Variants in ASIC1 observed in about 807,000 individuals in gnomAD.
ASIC1 encodes acid sensing ion channel subunit 1, also known as acid-sensing ion channel 1.
ASIC1 carries 21 observed loss-of-function variants against 63.4 expected under a neutral mutation model. That is an observed-to-expected ratio of 0.33 (90% CI 0.23 to 0.48). ASIC1 has a LOEUF of 0.48. ASIC1 is among the 20% of genes least tolerant of loss of function. The pLI, the probability that ASIC1 is intolerant of heterozygous loss-of-function variation, is 0.99. For missense variants in ASIC1, 478 were observed against 695.5 expected (o/e 0.69, Z 3.52); for synonymous variants, 258 against 278.2 (o/e 0.93, Z 0.72).
intron 3 of ASIC1, among the ~76,000 whole-genome samples, chr12:50,076,070 G>A (rs966032837): frequency 2.6e-5 from 4 of 152,222 alleles, no homozygotes; most frequent in African/African-American, 9.7e-5. Flanking sequence ...GCTTGGTTGA[G>A]TGTGGTCCTT....
chr12:50,073,672 C>A, intron 3 of ASIC1: 1 of 1,536,420 alleles, frequency 6.5e-7, no homozygotes, highest in Non-Finnish European at 8.7e-7. Context: ...TCCCCACCAC[C>A]ATCAGCAGCA....
At chr12:50,079,031 G>A (rs1950687720) in intron 7 of ASIC1, 51 bp downstream of exon 7, 3 of 1,570,128 alleles carry the variant, frequency 1.9e-6, no homozygotes, top group Non-Finnish European at 2.6e-6. Flanking sequence ...GGTGCTGCCA[G>A]CCACGTGCGC....
Position 50,078,667 on chromosome 12 carries a change from C to T in ASIC1, c.994+90C>T. ...CCCATCCATATCAATCTCCCAACCCCAGTTCCAGCCCACCCCATCCCACAC... is the reference window on the plus strand; with the variant it reads ...CCCATCCATATCAATCTCCCAACCCTAGTTCCAGCCCACCCCATCCCACAC... On this transcript the variant is annotated intron_variant, in intron 6 of 11. Transcript: ENST00000447966. The surrounding 1 kb of genome is among the most constrained non-coding windows in gnomAD (Gnocchi z 6.0). 8.3e-6 allele frequency: 13 copies of T among 1,560,862 alleles called. No homozygotes were observed. The highest frequency in any genetic ancestry group is 1.1e-5 in the Non-Finnish European group (13 of 1,146,056).
At chr12:50,067,413 T>G (rs560594484) in intron 3 of ASIC1, among the ~76,000 whole-genome samples, 33 of 149,228 alleles carry the variant, frequency 2.2e-4, no homozygotes, top group Non-Finnish European at 3.6e-4. Context: ...TGCTGTTGTT[T>G]TTTTTTTTTT....
intron 3 of ASIC1, among the ~76,000 whole-genome samples, chr12:50,062,194 G>A (rs1592265775): frequency 6.6e-6 from 1 of 152,188 alleles, no homozygotes; most frequent in African/African-American, 2.4e-5. Context: ...CCTCCCCGGT[G>A]GAGAAGGGCC....
At chr12:50,065,362 G>A (rs191566147) in intron 3 of ASIC1, among the ~76,000 whole-genome samples, 1 of 152,232 alleles carries the variant, frequency 6.6e-6, no homozygotes, top group East Asian at 1.9e-4. Context: ...GGGCATTAGG[G>A]CTCCTGGTCT....
At chr12:50,061,832 C>T (rs2137809975) in intron 3 of ASIC1, among the ~76,000 whole-genome samples, 1 of 152,288 alleles carries the variant, frequency 6.6e-6, no homozygotes, top group East Asian at 1.9e-4. Context: ...GTGATTGGTC[C>T]ATGCTGTCTG....
At position 50,082,289 on chromosome 12, in the gene ASIC1, C is replaced by G. The variant is rs1350649505; in HGVS notation, c.*640C>G. ...CGGCCCTGGTGCTGTAGGCTACATCCTGATACCTATAAGTTCACCCCCACC... is the reference window on the plus strand; with the variant it reads ...CGGCCCTGGTGCTGTAGGCTACATCGTGATACCTATAAGTTCACCCCCACC... On this transcript the variant is annotated 3_prime_UTR_variant, in exon 12 of 12. Transcript: ENST00000447966. The G allele has an allele frequency of 6.5e-6, 1 of 152,970 alleles. No individual in the cohort carries two copies. Among genetic ancestry groups the G allele is most frequent in the African/African-American group, 2.4e-5 (1 of 41,420 alleles). The allele number at this position is 152,970 out of a possible 1,614,324, so 9.5% of individuals were successfully genotyped here.
chr12:50,068,467 C>CT (rs1049886360), intron 3 of ASIC1, among the ~76,000 whole-genome samples: 1 of 151,752 alleles, frequency 6.6e-6, no homozygotes, highest in Non-Finnish European at 1.5e-5. Flanking sequence ...TTTTTTCTAT[C>CT]TTTTTTTTAA....
chr12:50,080,037 A>G lies in ASIC1; in HGVS notation c.1187A>G (p.Lys396Arg). The G allele has an allele frequency of 6.2e-7, 1 of 1,613,108 alleles. No homozygotes were observed. The highest frequency in any genetic ancestry group is 8.5e-7 in the Non-Finnish European group (1 of 1,179,430). ...AAGTACCTGGCCAAGAAGTTCAACA[A>G]ATCTGAGCAATACATAGGGTAAGGG... is the stretch of plus-strand genomic sequence containing the variant. The part of the protein sequence containing the change: ...SAKYLAKKFN[K>R]SEQYIGENIL... The change falls in exon 8 of 12, where the codon AAA becomes AGA. Residue 396 changes from lysine (K) to arginine (R), a missense_variant. This residue lies in a region of ASIC1 where 84 missense variants were observed against 183.5 expected (regional missense o/e 0.46). Transcript: ENST00000447966.
intron 3 of ASIC1, among the ~76,000 whole-genome samples, chr12:50,072,559 C>T (rs1260543679): frequency 1.3e-5 from 2 of 152,182 alleles, no homozygotes; most frequent in African/African-American, 4.8e-5. Context: ...CTACCTGACC[C>T]AGGTCCCCCT....
At chr12:50,079,730 T>C (rs1950695424) in intron 7 of ASIC1, among the ~76,000 whole-genome samples, 172 bp from the exon 8 acceptor site, 1 of 152,076 alleles carries the variant, frequency 6.6e-6, no homozygotes, top group Non-Finnish European at 1.5e-5. Context: ...TGCCTCAGGC[T>C]GGATGGTGAG....
chr12:50,081,028 C>T (rs1419418999), intron 9 of ASIC1, 74 bp from the exon 10 acceptor site: 5 of 1,338,286 alleles, frequency 3.7e-6, no homozygotes, highest in Non-Finnish European at 5.2e-6. Flanking sequence ...AACTTGCCTG[C>T]CCCAGTCCCA....
chr12:50,061,030 T>C (rs950531918), intron 3 of ASIC1, among the ~76,000 whole-genome samples: 13 of 152,198 alleles, frequency 8.5e-5, no homozygotes, highest in Non-Finnish European at 1.0e-4. Flanking sequence ...ACTCATGTCT[T>C]GTTAAGCTGA....
intron 3 of ASIC1, 157 bp from the exon 4 acceptor site, chr12:50,077,056 A>AACAGGTG (rs759289750): frequency 8.1e-7 from 1 of 1,232,050 alleles, no homozygotes; most frequent in Admixed American, 1.7e-5. Flanking sequence ...AAGGGTGAGA[A>AACAGGTG]ACAGGTGGGA....
intron 8 of ASIC1, 43 bp from the exon 9 acceptor site, chr12:50,080,455 G>A: frequency 6.3e-7 from 1 of 1,582,410 alleles, no homozygotes; most frequent in Non-Finnish European, 8.7e-7. Flanking sequence ...AAGAGATAGA[G>A]ATATGACTTG....
chr12:50,077,674 G>C (rs1950670751), intron 4 of ASIC1, among the ~76,000 whole-genome samples: 1 of 152,104 alleles, frequency 6.6e-6, no homozygotes, highest in African/African-American at 2.4e-5. Context: ...GGGGCAGAGA[G>C]AGATGGGGGA....
At chr12:50,070,455 G>A (rs1359643719) in intron 3 of ASIC1, among the ~76,000 whole-genome samples, 1 of 151,926 alleles carries the variant, frequency 6.6e-6, no homozygotes, top group East Asian at 1.9e-4. Flanking sequence ...CCAGGGCTGC[G>A]TGTCTGTGTG....
rs137922181 is a variant in ASIC1, at chr12:50,076,971, C to G, written c.559-242C>G. The G allele has an allele frequency of 1.9e-4, 125 of 662,678 alleles. No homozygotes were observed. In the African/African-American group the frequency reaches 2.0e-3, roughly 11 times the overall value. 41.0% of individuals were successfully genotyped at this position (662,678 alleles called of 1,614,324 possible). ...CCCAACTGTCAACCCCAACTAGAAG[C>G]CCATGCAGGTGGCAAAGGAGCTCAG... On this transcript the variant is annotated intron_variant, in intron 3 of 11. Transcript: ENST00000447966.
Sources: allele counts gnomAD v4.1 joint callset (sites outside exome capture counted in the v4.1 genomes callset), GRCh38; gene constraint gnomAD v4.1.1; regional missense constraint gnomAD v4.1.1; non-coding constraint Gnocchi (gnomAD v3.1); transcripts MANE v1.5; gene names NCBI Gene and HGNC (gene_info 2026-07-23, HGNC 2026-07-21).